HCRTR2: variants seen among roughly 807,000 people sequenced by gnomAD.
HCRTR2 encodes hypocretin receptor 2, also known as orexin receptor type 2.
HCRTR2 carries 22 observed loss-of-function variants against 49.0 expected under a neutral mutation model. That is an observed-to-expected ratio of 0.45 (90% CI 0.32 to 0.64). The LOEUF is 0.64. Ranked by LOEUF, HCRTR2 falls within the 30% of genes least tolerant of loss-of-function variation. The pLI, the probability that HCRTR2 is intolerant of heterozygous loss-of-function variation, is 0.04. For synonymous variants in HCRTR2, 236 were observed against 205.3 expected, an observed-to-expected ratio of 1.15 and a Z score of -1.28; for missense variants, 491 against 559.4, an observed-to-expected ratio of 0.88 and a Z score of 1.23.
intron 1 of HCRTR2, among the ~76,000 whole-genome samples, chr6:55,210,713 T>C (rs925614462): frequency 1.3e-5 from 2 of 152,218 alleles, no homozygotes; most frequent in Non-Finnish European, 2.9e-5. Context: ...CTCTAGGCTC[T>C]GTAAGACATA....
chr6:55,207,347 T>C (rs546360945), intron 1 of HCRTR2, among the ~76,000 whole-genome samples: 1 of 152,108 alleles, frequency 6.6e-6, no homozygotes, highest in African/African-American at 2.4e-5. Context: ...GAACAGAATT[T>C]TTTTTGCCTT....
chr6:55,233,988 A>C (rs1455684953), intron 1 of HCRTR2, among the ~76,000 whole-genome samples: 1 of 152,182 alleles, frequency 6.6e-6, no homozygotes, highest in Non-Finnish European at 1.5e-5. Context: ...AAGGTTTGCC[A>C]TCAGTCTCTA....
chr6:55,127,441 C>A (rs184017534), intron 1 of HCRTR2, among the ~76,000 whole-genome samples: 1 of 152,268 alleles, frequency 6.6e-6, no homozygotes, highest in East Asian at 1.9e-4. Context: ...GGTACCTCAG[C>A]TGGAAATGCA....
intron 1 of HCRTR2, among the ~76,000 whole-genome samples, chr6:55,139,162 G>T (rs757263863): frequency 9.9e-5 from 15 of 152,274 alleles, no homozygotes; most frequent in Admixed American, 3.3e-4. Context: ...AGTTAAAGAA[G>T]GGTTCCAAAC....
intron 1 of HCRTR2, among the ~76,000 whole-genome samples, chr6:55,126,807 T>G (rs1764285070): frequency 6.6e-6 from 1 of 152,166 alleles, no homozygotes; most frequent in African/African-American, 2.4e-5. Flanking sequence ...TTTGCAGCCT[T>G]GCTGAGCTGC....
At chr6:55,176,966 G>T (rs796129417) in intron 1 of HCRTR2, among the ~76,000 whole-genome samples, 6 of 152,052 alleles carry the variant, frequency 3.9e-5, no homozygotes, top group African/African-American at 1.5e-4. Context: ...CTGAATCTTT[G>T]TGGTAAAATG....
intron 1 of HCRTR2, among the ~76,000 whole-genome samples, chr6:55,116,409 T>TA (rs1193283087): frequency 6.6e-6 from 1 of 151,256 alleles, no homozygotes; most frequent in African/African-American, 2.4e-5. Context: ...TTTTTAGTTT[T>TA]AAAAAATACT....
At chr6:55,250,908 C>T (rs569592450) in intron 2 of HCRTR2, among the ~76,000 whole-genome samples, 2 of 152,184 alleles carry the variant, frequency 1.3e-5, no homozygotes, top group African/African-American at 4.8e-5. Flanking sequence ...AGACTAGATC[C>T]ATTTGTTACC....
chr6:55,203,105 C>T (rs1035398438), intron 1 of HCRTR2, among the ~76,000 whole-genome samples: 2 of 152,152 alleles, frequency 1.3e-5, no homozygotes, highest in Non-Finnish European at 2.9e-5. Context: ...TAATTAGGAA[C>T]CCCTCTCTAA....
At chr6:55,109,267 GAGA>G (rs1476596942) in intron 1 of HCRTR2, among the ~76,000 whole-genome samples, 1 of 152,126 alleles carries the variant, frequency 6.6e-6, no homozygotes, top group Non-Finnish European at 1.5e-5. Context: ...CTACCCAAAT[GAGA>G]AGGAGTCAGA....
At chr6:55,278,294 G>A (rs2127332369) in intron 5 of HCRTR2, among the ~76,000 whole-genome samples, 1 of 152,334 alleles carries the variant, frequency 6.6e-6, no homozygotes, top group Non-Finnish European at 1.5e-5. Flanking sequence ...TTCATGGCCA[G>A]CCAACTTTAT....
At chr6:55,283,586 G>T (rs1206610958), downstream of HCRTR2, among the ~76,000 whole-genome samples, 1 of 152,074 alleles carries the variant, frequency 6.6e-6, no homozygotes, top group African/African-American at 2.4e-5. Flanking sequence ...TGTAAGATCT[G>T]GGAGTCAAAG....
chr6:55,173,293 T>A (rs909912180), upstream of HCRTR2, among the ~76,000 whole-genome samples: 3 of 152,070 alleles, frequency 2.0e-5, no homozygotes, highest in African/African-American at 7.2e-5. Flanking sequence ...CCCATAAGGA[T>A]GGAAGTAGTG....
chr6:55,114,517 G>A (rs867789671), intron 1 of HCRTR2, among the ~76,000 whole-genome samples: 4 of 151,610 alleles, frequency 2.6e-5, no homozygotes, highest in Non-Finnish European at 1.5e-5. Context: ...ACCAAATTCC[G>A]ATAACCCAGA....
chr6:55,230,983 G>C (rs1268677856), intron 1 of HCRTR2, among the ~76,000 whole-genome samples: 1 of 152,034 alleles, frequency 6.6e-6, no homozygotes, highest in Non-Finnish European at 1.5e-5. Flanking sequence ...AATTAGCCAA[G>C]TTAGTTGGTA....
chr6:55,281,513 CG>C (rs1562033077), intron 6 of HCRTR2, among the ~76,000 whole-genome samples: 1 of 152,128 alleles, frequency 6.6e-6, no homozygotes, highest in East Asian at 1.9e-4. Flanking sequence ...GTGCTGGGCC[CG>C]TGAACATTCA....
chr6:55,235,098 C>A (rs969417736), intron 1 of HCRTR2, among the ~76,000 whole-genome samples: 1 of 152,102 alleles, frequency 6.6e-6, no homozygotes, highest in Non-Finnish European at 1.5e-5. Context: ...GTTGATTCCA[C>A]ATAGATAAAG....
intron 1 of HCRTR2, among the ~76,000 whole-genome samples, chr6:55,118,744 GTTAT>G (rs1764154307): frequency 6.6e-6 from 1 of 150,438 alleles, no homozygotes; most frequent in Admixed American, 6.7e-5. Flanking sequence ...TTTTAATGGG[GTTAT>G]TTGTTTATTC....
At chr6:55,113,178 A>T (rs531454029) in intron 1 of HCRTR2, among the ~76,000 whole-genome samples, 1 of 152,228 alleles carries the variant, frequency 6.6e-6, no homozygotes, top group Admixed American at 6.6e-5. Context: ...TAAAAATTCT[A>T]GAAGATAACA....
Sources: gnomAD v4.1 joint callset for allele counts (sites outside exome capture counted in the v4.1 genomes callset) on GRCh38, gnomAD v4.1.1 for gene constraint, MANE v1.5 for transcripts, NCBI Gene and HGNC (gene_info 2026-07-23, HGNC 2026-07-21) for gene names.